The following DEPDC5 variants were observed in gnomAD, a reference collection of about 807,000 sequenced individuals.
DEPDC5 encodes the protein DEP domain containing 5, GATOR1 subcomplex subunit.
A neutral mutation model predicts 217.3 loss-of-function variants in DEPDC5; 73 were observed. That is an observed-to-expected ratio of 0.34 (90% CI 0.28 to 0.41). The LOEUF (loss-of-function observed/expected upper bound fraction) is 0.41, where lower values mean the gene tolerates loss of function less well. DEPDC5 is among the 10% of genes least tolerant of loss of function. The pLI is 1.00. For synonymous variants in DEPDC5, 733 were observed against 756.7 expected (o/e 0.97, Z 0.51); for missense variants, 1,675 against 2,070.1 (o/e 0.81, Z 3.70).
chr22:31,765,191 TAA>T, intron 5 of DEPDC5, 131 bp downstream of exon 5: 1 of 704,716 alleles, frequency 1.4e-6, no homozygotes, highest in Admixed American at 2.4e-5. Flanking sequence ...CTAGGTGTGG[TAA>T]TTTCAGTACA....
chr22:31,896,587 G>C (rs2093557331), intron 39 of DEPDC5, among the ~76,000 whole-genome samples: 1 of 151,230 alleles, frequency 6.6e-6, no homozygotes. Flanking sequence ...CTAGAAAATT[G>C]CCACTGTTCC....
At chr22:31,754,558 T>C (rs1453522745) in intron 1 of DEPDC5, among the ~76,000 whole-genome samples, 2 of 152,252 alleles carry the variant, frequency 1.3e-5, no homozygotes, top group Admixed American at 6.5e-5. Context: ...TTGGGTGTTA[T>C]TGGTGTAGAT....
intron 14 of DEPDC5, among the ~76,000 whole-genome samples, chr22:31,800,707 T>C (rs111709946): frequency 9.2e-4 from 140 of 152,298 alleles, no homozygotes; most frequent in Admixed American, 2.1e-3. Flanking sequence ...CCAGGTATGG[T>C]GGCTCACACC....
intron 31 of DEPDC5, among the ~76,000 whole-genome samples, chr22:31,856,155 G>GCACACACACACA (rs136863): frequency 3.6e-5 from 5 of 140,676 alleles, no homozygotes; most frequent in East Asian, 2.1e-4. Flanking sequence ...GGGCCAACGC[G>GCACACACACACA]CACACACACA....
chr22:31,797,558 A>G (rs747678095), intron 12 of DEPDC5, 42 bp from the exon 13 acceptor site: 14 of 1,534,478 alleles, frequency 9.1e-6, no homozygotes, highest in Non-Finnish European at 3.6e-6. Flanking sequence ...GCCAAACCAT[A>G]TCAGCTGCTC....
At chr22:31,775,179 C>T (rs943583042) in intron 7 of DEPDC5, among the ~76,000 whole-genome samples, 6 of 151,752 alleles carry the variant, frequency 4.0e-5, no homozygotes, top group Non-Finnish European at 8.8e-5. Flanking sequence ...ATTTTGTCTT[C>T]CTTCCTTTTT....
At position 31,863,050 on chromosome 22, in the gene DEPDC5, A is replaced by G. The variant is rs144638052; in HGVS notation, c.3330+1617A>G. On this transcript the variant is annotated intron_variant, in intron 33 of 42. Coordinates refer to ENST00000651528, the MANE Select transcript of DEPDC5 (RefSeq NM_001242896.3). Reference sequence around the variant, plus strand: ...ATTTTTTTAGAGGTAGGGTCTTGCTATGTTGCCCAGGCTGGTCAACTCCTG... The same window carrying G: ...ATTTTTTTAGAGGTAGGGTCTTGCTGTGTTGCCCAGGCTGGTCAACTCCTG... Among the ~76,000 whole-genome samples the G allele has an allele frequency of 6.8e-3, 1,036 of 152,174 alleles. 2 individuals carry two copies. The highest frequency in any genetic ancestry group is 0.012 in the African/African-American group (517 of 41,510).
intron 22 of DEPDC5, among the ~76,000 whole-genome samples, chr22:31,820,879 T>A (rs2089629514): frequency 6.6e-6 from 1 of 152,204 alleles, no homozygotes; most frequent in South Asian, 2.1e-4. Flanking sequence ...CTCTCTTCCT[T>A]CTTGGCTAAT....
rs190357905 is a variant in DEPDC5 at position 31,844,304 on chromosome 22, G to A, written c.2801+492G>A. ...TATAGTCCTAGCTACTCAGGAGGCC[G>A]AAGTGCTTGAGCCCAGGAGGTCGTG... On this transcript the variant is annotated intron_variant, in intron 29 of 42. Transcript: ENST00000651528. Among the ~76,000 whole-genome samples, 371 of 152,286 alleles carry A rather than the reference G, an allele frequency of 2.4e-3. 1 individual carries two copies. Among genetic ancestry groups the A allele is most frequent in the Non-Finnish European group, 5.7e-4 (39 of 68,028 alleles).
intron 41 of DEPDC5, among the ~76,000 whole-genome samples, chr22:31,903,839 G>C (rs1367832059): frequency 6.6e-6 from 1 of 151,138 alleles, no homozygotes; most frequent in Non-Finnish European, 1.5e-5. Flanking sequence ...AAAACACTCT[G>C]AATGTATTCC....
chr22:31,838,121 C>T (rs564486510), intron 26 of DEPDC5, among the ~76,000 whole-genome samples: 1 of 151,998 alleles, frequency 6.6e-6, no homozygotes, highest in Non-Finnish European at 1.5e-5. Context: ...GATGTTTATT[C>T]TCATATTTTC....
At chr22:31,795,503 C>T (rs1206584753) in intron 12 of DEPDC5, among the ~76,000 whole-genome samples, 2 of 151,778 alleles carry the variant, frequency 1.3e-5, no homozygotes, top group Non-Finnish European at 2.9e-5. Context: ...AAGCAATTCT[C>T]CTGCCTCAGC....
chr22:31,840,398 G>C (rs976107370), intron 27 of DEPDC5, among the ~76,000 whole-genome samples: 5 of 152,224 alleles, frequency 3.3e-5, no homozygotes, highest in Admixed American at 3.3e-4. Flanking sequence ...ATATGATGGA[G>C]CACAAGGAAT....
intron 40 of DEPDC5, among the ~76,000 whole-genome samples, chr22:31,900,420 C>G (rs2093628173): frequency 6.6e-6 from 1 of 152,056 alleles, no homozygotes; most frequent in African/African-American, 2.4e-5. Context: ...TTTGCCCTTT[C>G]TTGTGGGAAG....
intron 21 of DEPDC5, among the ~76,000 whole-genome samples, chr22:31,817,736 C>T (rs1331367051): frequency 1.3e-5 from 2 of 151,982 alleles, no homozygotes; most frequent in Non-Finnish European, 2.9e-5. Flanking sequence ...ATCCTTCCAC[C>T]TTGGTCTCCC....
chr22:31,786,711 C>A (rs2085030893), intron 10 of DEPDC5, among the ~76,000 whole-genome samples: 1 of 151,734 alleles, frequency 6.6e-6, no homozygotes, highest in South Asian at 2.1e-4. Flanking sequence ...CTCAAGGGAT[C>A]CTCTTGCCTC....
intron 7 of DEPDC5, among the ~76,000 whole-genome samples, chr22:31,775,432 C>A (rs527690452): frequency 6.6e-6 from 1 of 152,254 alleles, no homozygotes; most frequent in African/African-American, 2.4e-5. Context: ...CCCACCTCGG[C>A]CTCCCAAAGT....
At chr22:31,806,033 G>A (rs1264221316) in intron 17 of DEPDC5, 89 bp from the exon 18 acceptor site, 9 of 1,123,142 alleles carry the variant, frequency 8.0e-6, no homozygotes, top group Admixed American at 4.0e-5. Flanking sequence ...CATGTCAGGA[G>A]GGCTGATCCA....
rs376187025 is a variant in DEPDC5, at chr22:31,876,258, C to T, written c.3798C>T (p.Pro1266=). 16 of 1,613,276 alleles carry T rather than the reference C, an allele frequency of 9.9e-6. No individual in the cohort carries two copies. The highest frequency in any genetic ancestry group is 3.3e-5 in the Admixed American group (2 of 59,988). The change falls in exon 37 of 43, where the codon CCC becomes CCT. Residue 1266 remains proline, a synonymous_variant. Transcript: ENST00000651528. ...YFYKIVTDKE[P]DRVAMQQPAT... Reference sequence around the variant, plus strand: ...ACAAGATAGTAACGGACAAAGAGCCCGACCGAGGTTAGAGCCGAGGCGAAT... The same window carrying T: ...ACAAGATAGTAACGGACAAAGAGCCTGACCGAGGTTAGAGCCGAGGCGAAT...
Sources: allele counts gnomAD v4.1 joint callset (sites outside exome capture counted in the v4.1 genomes callset), GRCh38; gene constraint gnomAD v4.1.1; transcripts MANE v1.5; gene names NCBI Gene and HGNC (gene_info 2026-07-23, HGNC 2026-07-21).